Variants in CATSPERE observed in about 807,000 individuals in gnomAD.
The protein encoded by CATSPERE is cation channel sperm-associated auxiliary subunit epsilon.
A neutral mutation model predicts 114.1 loss-of-function variants in CATSPERE; 93 were observed. The ratio of observed to expected loss-of-function variants is 0.81; its 90% CI spans 0.69 to 0.97. CATSPERE has a LOEUF of 0.97. CATSPERE is among the 50% of genes least tolerant of loss of function. CATSPERE has a pLI of 0.00. For missense variants in CATSPERE, 1,058 were observed against 1,131.6 expected, an observed-to-expected ratio of 0.93 and a Z score of 0.93; for synonymous variants, 341 against 384.1, an observed-to-expected ratio of 0.89 and a Z score of 1.31.
chr1:244,495,613 C>T (rs981379027), intron 6 of CATSPERE, among the ~76,000 whole-genome samples: 4 of 151,914 alleles, frequency 2.6e-5, no homozygotes, highest in African/African-American at 7.3e-5. Context: ...CCCAGCTACT[C>T]GGGAGGCTGA....
At chr1:244,507,695 C>T (rs1039918206) in intron 7 of CATSPERE, among the ~76,000 whole-genome samples, 3 of 152,148 alleles carry the variant, frequency 2.0e-5, no homozygotes, top group Non-Finnish European at 2.9e-5. Flanking sequence ...CATCCTTCTG[C>T]ATATGGATAT....
intron 19 of CATSPERE, among the ~76,000 whole-genome samples, chr1:244,613,685 A>C (rs1671018197): frequency 6.6e-6 from 1 of 152,174 alleles, no homozygotes; most frequent in Non-Finnish European, 1.5e-5. Flanking sequence ...CTGGCCTTTT[A>C]TCAAACTAAG....
At chr1:244,451,837 G>A (rs1307289203), upstream of CATSPERE, 3 of 1,552,048 alleles carry the variant, frequency 1.9e-6, no homozygotes, top group Non-Finnish European at 2.6e-6. The surrounding 1 kb of genome is among the most constrained non-coding windows in gnomAD (Gnocchi z 6.6). Context: ...GACGCGAGGA[G>A]AGCCCGAAGG....
intron 7 of CATSPERE, among the ~76,000 whole-genome samples, chr1:244,509,740 G>C (rs1675393074): frequency 6.6e-6 from 1 of 152,150 alleles, no homozygotes; most frequent in South Asian, 2.1e-4. Context: ...TTTTATTGGA[G>C]ATTCAATCCT....
intron 8 of CATSPERE, among the ~76,000 whole-genome samples, chr1:244,530,909 G>T (rs564955298): frequency 9.2e-5 from 14 of 151,786 alleles, no homozygotes; most frequent in Non-Finnish European, 2.1e-4. Flanking sequence ...ATAGTTTTTT[G>T]ATAGAGACTT....
At chr1:244,499,516 A>C in intron 7 of CATSPERE, among the ~76,000 whole-genome samples, 1 of 78,072 alleles carries the variant, frequency 1.3e-5, no homozygotes, top group African/African-American at 4.7e-5. Flanking sequence ...TCGACAGGCC[A>C]TGGTGTGTGA....
intron 6 of CATSPERE, among the ~76,000 whole-genome samples, chr1:244,498,455 T>G (rs1337358555): frequency 1.3e-5 from 2 of 152,206 alleles, no homozygotes; most frequent in African/African-American, 4.8e-5. Context: ...TTTTTAAGTA[T>G]ATGAATATTC....
chr1:244,470,245 ATT>A (rs1232136071), intron 2 of CATSPERE, among the ~76,000 whole-genome samples: 1 of 152,242 alleles, frequency 6.6e-6, no homozygotes, highest in Non-Finnish European at 1.5e-5. Context: ...AGTGAAGACA[ATT>A]CACAGGATGG....
At chr1:244,612,762 A>G (rs568193932) in intron 19 of CATSPERE, among the ~76,000 whole-genome samples, 19 of 152,262 alleles carry the variant, frequency 1.2e-4, no homozygotes, top group Non-Finnish European at 2.8e-4. Flanking sequence ...CCCGAGTTCA[A>G]GCAATTCTTC....
intron 6 of CATSPERE, among the ~76,000 whole-genome samples, chr1:244,496,598 A>C (rs1673136166): frequency 6.6e-6 from 1 of 152,176 alleles, no homozygotes; most frequent in Non-Finnish European, 1.5e-5. Context: ...AAACTTCAGA[A>C]CTCTCCTGAA....
At chr1:244,519,498 C>G (rs1312007369) in intron 8 of CATSPERE, among the ~76,000 whole-genome samples, 2 of 152,188 alleles carry the variant, frequency 1.3e-5, no homozygotes, top group African/African-American at 4.8e-5. Flanking sequence ...CTCCCCGTGT[C>G]TGCGTGGGTT....
intron 17 of CATSPERE, among the ~76,000 whole-genome samples, chr1:244,603,778 G>A (rs1257593534): frequency 2.0e-5 from 3 of 152,068 alleles, no homozygotes; most frequent in Non-Finnish European, 4.4e-5. Flanking sequence ...ATCAGAGGCA[G>A]GAGGGTGGTT....
chr1:244,453,402 C>T (rs915724489), upstream of CATSPERE, among the ~76,000 whole-genome samples: 7 of 152,196 alleles, frequency 4.6e-5, no homozygotes, highest in African/African-American at 1.7e-4. Context: ...CCTGCACAGC[C>T]AGCTCTACAT....
intron 20 of CATSPERE, among the ~76,000 whole-genome samples, chr1:244,619,346 G>A (rs1170358742): frequency 1.3e-5 from 2 of 152,058 alleles, no homozygotes; most frequent in Non-Finnish European, 2.9e-5. Context: ...GAAAAATGAA[G>A]ACAAAAACAG....
At position 244,562,565 on chromosome 1, in the gene CATSPERE, T is replaced by A. The variant is rs562175661; in HGVS notation, c.1507+1420T>A. ...AACTCCCCCAAAAGTATTGAAAATG[T>A]ATCATTTTCATAGAATCTGTTTAAC... On this transcript the variant is annotated intron_variant, in intron 10 of 21. Transcript: ENST00000366534. Among the ~76,000 whole-genome samples the A allele has an allele frequency of 7.2e-5, 11 of 152,318 alleles. No homozygotes were observed. The East Asian group carries it at 1.5e-3, about 21-fold the overall frequency.
chr1:244,460,259 TAGGAGTCATGC>T (rs957799713), upstream of CATSPERE, among the ~76,000 whole-genome samples: 15 of 152,178 alleles, frequency 9.9e-5, no homozygotes, highest in African/African-American at 3.6e-4. Flanking sequence ...AAATCAGGTT[TAGGAGTCATGC>T]AGCTGGAGGA....
intron 2 of CATSPERE, among the ~76,000 whole-genome samples, chr1:244,471,460 T>A (rs1668463282): frequency 2.0e-5 from 3 of 152,228 alleles, no homozygotes; most frequent in African/African-American, 7.2e-5. Context: ...TGCATACAGT[T>A]GCGTTATCAC....
intron 10 of CATSPERE, among the ~76,000 whole-genome samples, chr1:244,563,579 T>A (rs1662926072): frequency 6.6e-6 from 1 of 152,226 alleles, no homozygotes. Flanking sequence ...AAGTGTCTGT[T>A]CATATCCTTC....
At chr1:244,499,319 T>TTTTA (rs1441491133) in intron 7 of CATSPERE, among the ~76,000 whole-genome samples, 1 of 152,170 alleles carries the variant, frequency 6.6e-6, no homozygotes, top group African/African-American at 2.4e-5. Context: ...TCTTTTTTCT[T>TTTTA]TTTATTTATT....
Sources: gnomAD v4.1 joint callset for allele counts (sites outside exome capture counted in the v4.1 genomes callset) on GRCh38, gnomAD v4.1.1 for gene constraint, Gnocchi (gnomAD v3.1) non-coding constraint, MANE v1.5 for transcripts, NCBI Gene and HGNC (gene_info 2026-07-23, HGNC 2026-07-21) for gene names.